The following RYR3 variants were observed in gnomAD, a reference collection of about 807,000 sequenced individuals.
RYR3 encodes the protein ryanodine receptor 3.
Under a neutral mutation model 584.3 loss-of-function variants are expected in RYR3, and 207 were observed. The ratio of observed to expected loss-of-function variants is 0.35; its 90% CI spans 0.32 to 0.40. RYR3 has a LOEUF of 0.40. Ranked by LOEUF, RYR3 falls within the 10% of genes least tolerant of loss-of-function variation. RYR3 has a pLI of 1.00. For missense variants in RYR3, 5,616 were observed against 6,089.2 expected (o/e 0.92, Z 2.59); for synonymous variants, 2,416 against 2,248.5 (o/e 1.07, Z -2.11).
At chr15:33,635,270 A>G (rs1023459409) in intron 25 of RYR3, among the ~76,000 whole-genome samples, 4 of 152,304 alleles carry the variant, frequency 2.6e-5, no homozygotes, top group Admixed American at 2.0e-4. Context: ...TCCTCTGTTC[A>G]TGGGCTCTGT....
intron 1 of RYR3, among the ~76,000 whole-genome samples, chr15:33,413,335 T>C (rs77729618): frequency 0.033 from 5,010 of 152,334 alleles, 228 homozygotes; most frequent in African/African-American, 0.1. Flanking sequence ...TATGCTATAA[T>C]AAGTGTGACT....
chr15:33,854,357 T>C (rs2079421913), intron 96 of RYR3, 32 bp from the exon 97 acceptor site: 2 of 1,537,774 alleles, frequency 1.3e-6, no homozygotes, highest in South Asian at 1.2e-5. Context: ...TCTTGACATT[T>C]ATAAGTTTTA....
intron 93 of RYR3, chr15:33,847,048 T>C (rs2078767983): frequency 6.6e-6 from 1 of 152,226 alleles, no homozygotes; most frequent in African/African-American, 2.4e-5. Flanking sequence ...AGGGGAATGC[T>C]TGGAATCCCA....
chr15:33,857,345 G>A lies in RYR3; in HGVS notation c.14008-435G>A, dbSNP rs1404906102. 2.0e-5 allele frequency among the ~76,000 whole-genome samples: 3 copies of A among 152,054 alleles called. No individual in the cohort carries two copies. The East Asian group carries it at 5.8e-4, about 29-fold the overall frequency. Reference sequence around the variant, plus strand: ...TGACCGTCCCTTCACGTGTGCCTGTGTCTAGCCTCTCTCTCTGTGTCTCCA... The same window carrying A: ...TGACCGTCCCTTCACGTGTGCCTGTATCTAGCCTCTCTCTCTGTGTCTCCA... On this transcript the variant is annotated intron_variant, in intron 98 of 103. Coordinates refer to ENST00000634891, the MANE Select transcript of RYR3 (RefSeq NM_001036.6).
At chr15:33,464,923 A>G (rs1234171745) in intron 1 of RYR3, among the ~76,000 whole-genome samples, 3 of 152,124 alleles carry the variant, frequency 2.0e-5, no homozygotes, top group Non-Finnish European at 4.4e-5. Context: ...GACAACCACC[A>G]TTCTACTCTG....
chr15:33,394,074 C>T (rs2042160600), intron 1 of RYR3, among the ~76,000 whole-genome samples: 1 of 152,198 alleles, frequency 6.6e-6, no homozygotes, highest in Non-Finnish European at 1.5e-5. Context: ...TCTGCACCAT[C>T]TTGTGTGGCA....
intron 62 of RYR3, 123 bp downstream of exon 62, chr15:33,769,295 A>G (rs1235567547): frequency 2.5e-6 from 2 of 788,142 alleles, no homozygotes; most frequent in Non-Finnish European, 4.4e-6. Context: ...GAGGAGAGAC[A>G]GGGCAAAGAC....
chr15:33,701,737 G>C (rs1363765523), intron 42 of RYR3, among the ~76,000 whole-genome samples: 3 of 152,048 alleles, frequency 2.0e-5, no homozygotes, highest in African/African-American at 7.2e-5. Context: ...ACGGAAAAGG[G>C]CACCTGAGCC....
At chr15:33,864,675 G>GA (rs1012949630) in intron 103 of RYR3, 1 of 175,762 alleles carries the variant, frequency 5.7e-6, no homozygotes, top group Non-Finnish European at 1.2e-5. Context: ...AACAAGGGAG[G>GA]AAAAAGTCAG....
rs1475398641 is a variant in RYR3, at chr15:33,848,392, G to A, written c.13599G>A (p.Gly4533=). Residue 4533 remains glycine, a synonymous_variant, in exon 94 of 104, where the codon GGG becomes GGA. Coordinates refer to ENST00000634891, the MANE Select transcript of RYR3 (RefSeq NM_001036.6). The stretch of plus-strand genomic sequence containing the variant: ...AGCCATCTGAAGATGACATCAAGGG[G>A]CAGTGGGACCGCTTGGTGATCAACA... ...TEQPSEDDIK[G]QWDRLVINTP... 1 of 1,613,284 alleles carries A rather than the reference G, an allele frequency of 6.2e-7. No homozygotes were observed. The highest frequency in any genetic ancestry group is 1.1e-5 in the South Asian group (1 of 90,990).
Position 33,699,827 on chromosome 15 carries a change from G to A in RYR3, c.6373G>A (p.Gly2125Ser). ...LSYLLENSSV[G>S]LASPSMRGST... The stretch of plus-strand genomic sequence containing the variant: ...TTATCTTCTGGAGAATAGCAGTGTT[G>A]GCCTAGGTGCGTAAGTCTTCTTGTA... The change falls in exon 41 of 104, where the codon GGC becomes AGC. Residue 2125 changes from glycine (G) to serine (S), a missense_variant. Gly to Ser is a moderately conservative substitution (Grantham distance 56, BLOSUM62 0). Coordinates refer to ENST00000634891, the MANE Select transcript of RYR3 (RefSeq NM_001036.6). 6.2e-7 allele frequency: 1 copy of A among 1,612,960 alleles called. No individual in the cohort carries two copies.
At chr15:33,372,988 AC>A (rs2040450545) in intron 1 of RYR3, among the ~76,000 whole-genome samples, 1 of 152,176 alleles carries the variant, frequency 6.6e-6, no homozygotes, top group South Asian at 2.1e-4. Context: ...TTAGATTGGC[AC>A]CCAATCTAGA....
intron 1 of RYR3, among the ~76,000 whole-genome samples, chr15:33,382,380 G>A (rs2041260293): frequency 7.4e-6 from 1 of 134,476 alleles, no homozygotes; most frequent in Admixed American, 8.5e-5. Context: ...CTGGAGTACA[G>A]TGGCACAGTC....
chr15:33,329,652 G>C (rs752011440), intron 1 of RYR3, among the ~76,000 whole-genome samples: 1 of 152,174 alleles, frequency 6.6e-6, no homozygotes, highest in Non-Finnish European at 1.5e-5. Flanking sequence ...TTACTCACCA[G>C]TTCTCAATGT....
Position 33,768,167 on chromosome 15 carries a change from C to A in RYR3, c.8706-491C>A, listed in dbSNP as rs116744874. On this transcript the variant is annotated intron_variant, in intron 60 of 103. Coordinates refer to ENST00000634891, the MANE Select transcript of RYR3 (RefSeq NM_001036.6). ...ACGTTTTTGTTTAACACAATCTCACCTTGTACCTGAACCATTAACACTTTT... is the reference window on the plus strand; with the variant it reads ...ACGTTTTTGTTTAACACAATCTCACATTGTACCTGAACCATTAACACTTTT... Among the ~76,000 whole-genome samples the A allele has an allele frequency of 7.9e-3, 1,198 of 152,302 alleles. 13 individuals carry two copies. Among genetic ancestry groups the A allele is most frequent in the African/African-American group, 0.028 (1,155 of 41,552 alleles).
intron 60 of RYR3, among the ~76,000 whole-genome samples, chr15:33,766,034 AT>A (rs2073031101): frequency 6.6e-6 from 1 of 152,106 alleles, no homozygotes; most frequent in African/African-American, 2.4e-5. Flanking sequence ...TAATCCCAGC[AT>A]TTGGGGAGGC....
chr15:33,822,198 G>A (rs1163856557), intron 80 of RYR3, among the ~76,000 whole-genome samples: 1 of 152,144 alleles, frequency 6.6e-6, no homozygotes, highest in Non-Finnish European at 1.5e-5. Context: ...CCTGACACAT[G>A]GTATTTCTTC....
intron 3 of RYR3, among the ~76,000 whole-genome samples, chr15:33,510,289 A>G (rs2052864520): frequency 6.6e-6 from 1 of 152,194 alleles, no homozygotes; most frequent in African/African-American, 2.4e-5. Flanking sequence ...CCACCTCTAC[A>G]TGACATCACT....
At chr15:33,316,481 TAG>T (rs1480061687) in intron 1 of RYR3, among the ~76,000 whole-genome samples, 1 of 152,172 alleles carries the variant, frequency 6.6e-6, no homozygotes, top group Admixed American at 6.5e-5. Context: ...CTTTCTAAAT[TAG>T]ATATGTTCTT....
Sources: allele counts gnomAD v4.1 joint callset (sites outside exome capture counted in the v4.1 genomes callset), GRCh38; gene constraint gnomAD v4.1.1; transcripts MANE v1.5; gene names NCBI Gene and HGNC (gene_info 2026-07-23, HGNC 2026-07-21).